The following SMCR8 variants were observed in gnomAD, a reference collection of about 807,000 sequenced individuals.
SMCR8 encodes guanine nucleotide exchange protein SMCR8.
A neutral mutation model predicts 56.6 loss-of-function variants in SMCR8; 30 were observed. The ratio of observed to expected loss-of-function variants is 0.53; its 90% CI spans 0.40 to 0.72. The LOEUF (loss-of-function observed/expected upper bound fraction) is 0.72, where lower values mean the gene tolerates loss of function less well. Among genes scored for constraint, SMCR8 ranks in the 30% least tolerant of loss-of-function variants. The probability of loss-of-function intolerance (pLI) is 0.00; values close to 1 mark genes in which losing one functional copy is unlikely to be tolerated. For missense variants in SMCR8, 1,198 were observed against 1,157.0 expected (o/e 1.04, Z -0.51); for synonymous variants, 538 against 456.0 (o/e 1.18, Z -2.29).
chr17:18,317,102 A>C lies in SMCR8; in HGVS notation c.1313A>C (p.Tyr438Ser). 6.2e-7 allele frequency: 1 copy of C among 1,614,220 alleles called. No individual in the cohort carries two copies. The highest frequency in any genetic ancestry group is 1.1e-5 in the South Asian group (1 of 91,084). ...GAGCAGGAACTGGGAGATGAGGAGT[A>C]CAAGGAAGTGGAAGTGACTGAGTTG... ...KMEQELGDEE[Y>S]KEVEVTELSS... The change falls in exon 1 of 2, where the codon TAC becomes TCC. Residue 438 changes from tyrosine to serine, a missense_variant. Coordinates refer to ENST00000406438, the MANE Select transcript of SMCR8 (RefSeq NM_144775.3).
At chr17:18,318,210 T>C (rs1982391868) in intron 1 of SMCR8, 61 bp downstream of exon 1, 2 of 1,492,678 alleles carry the variant, frequency 1.3e-6, no homozygotes, top group African/African-American at 2.8e-5. Context: ...TATATTGGTG[T>C]GGTGGAGCCA....
chr17:18,317,411 T>C lies in SMCR8; in HGVS notation c.1622T>C (p.Ile541Thr), dbSNP rs1982351941. ...DDFKASYPSAINEEESYPDGN... is the reference protein window; with the variant it reads ...DDFKASYPSATNEEESYPDGN... The stretch of plus-strand genomic sequence containing the variant: ...TTTAAGGCCAGCTACCCAAGTGCCA[T>C]TAATGAAGAAGAATCATATCCAGAT... Residue 541 changes from isoleucine (I) to threonine (T), a missense_variant, in exon 1 of 2, where the codon ATT (isoleucine) becomes ACT (threonine). By Grantham distance (89) the Ile-to-Thr change is moderately conservative. Coordinates refer to ENST00000406438, the MANE Select transcript of SMCR8 (RefSeq NM_144775.3). 6.2e-7 allele frequency: 1 copy of C among 1,614,088 alleles called. No homozygotes were observed. Among genetic ancestry groups the C allele is most frequent in the Non-Finnish European group, 8.5e-7 (1 of 1,180,024 alleles).
In SMCR8 at chr17:18,324,008, G is replaced by A. The variant is rs1982578175; in HGVS notation, c.*938G>A. On this transcript the variant is annotated 3_prime_UTR_variant, in exon 2 of 2. Transcript: ENST00000406438. ...AGCACTGACCTTCCTCGTGGGGAAG[G>A]TCTGCAGACCCGTGTGAACATGGCA... The A allele has an allele frequency of 6.6e-6, 1 of 152,306 alleles. No individual in the cohort carries two copies. Among genetic ancestry groups the A allele is most frequent in the African/African-American group, 2.4e-5 (1 of 41,466 alleles). The allele number at this position is 152,306 out of a possible 1,614,324, so 9.4% of individuals were successfully genotyped here. A position where few individuals can be genotyped will look rare whatever the true frequency, so the allele number is the denominator to read the frequency against.
chr17:18,317,375 T>A lies in SMCR8; in HGVS notation c.1586T>A (p.Ile529Asn), dbSNP rs1486615591. 7 of 1,614,036 alleles carry A rather than the reference T, an allele frequency of 4.3e-6. No homozygotes were observed. In the South Asian group the frequency reaches 7.7e-5, roughly 18 times the overall value. The change falls in exon 1 of 2, where the codon ATC (isoleucine) becomes AAC (asparagine). Residue 529 changes from isoleucine (I) to asparagine (N), a missense_variant. By Grantham distance (149) the Ile-to-Asn change is moderately radical. Coordinates refer to ENST00000406438, the MANE Select transcript of SMCR8 (RefSeq NM_144775.3). ...VLSTCPSEAL[I>N]PDDFKASYPS... ...AGTACCTGCCCCTCTGAGGCCCTCA[T>A]CCCTGATGACTTTAAGGCCAGCTAC...
At position 18,315,685 on chromosome 17, in the gene SMCR8, C is replaced by A; in HGVS notation, c.-105C>A. On this transcript the variant is annotated 5_prime_UTR_variant, in exon 1 of 2. Coordinates refer to ENST00000406438, the MANE Select transcript of SMCR8 (RefSeq NM_144775.3). ...CGGGTTCGGGGAGTCGCAAAGAAGG[C>A]CGTAAGGGCTTCACTTCCTTCTCCG... is the stretch of plus-strand genomic sequence containing the variant. 2 of 1,124,094 alleles carry A rather than the reference C, an allele frequency of 1.8e-6. No individual in the cohort carries two copies. The highest frequency in any genetic ancestry group is 2.3e-5 in the Admixed American group (1 of 43,820). The allele number at this position is 1,124,094 out of a possible 1,614,324, so 69.6% of individuals were successfully genotyped here. A position where few individuals can be genotyped will look rare whatever the true frequency, so the allele number is the denominator to read the frequency against.
rs776727137 is a variant in SMCR8 at position 18,317,668 on chromosome 17, C to T, written c.1879C>T (p.Arg627Cys). The T allele has an allele frequency of 7.4e-6, 12 of 1,614,186 alleles. No individual in the cohort carries two copies. Among genetic ancestry groups the T allele is most frequent in the East Asian group, 2.2e-5 (1 of 44,888 alleles). ...QRHRQKDQGF[R>C]VDFSVENANP... The stretch of plus-strand genomic sequence containing the variant: ...CCACAGGCAGAAGGACCAGGGGTTC[C>T]GTGTAGACTTTTCAGTGGAAAATGC... The change falls in exon 1 of 2, where the codon CGT (arginine) becomes TGT (cysteine). Residue 627 changes from arginine (R) to cysteine (C), a missense_variant. Physicochemically the swap from Arg to Cys is radical, Grantham distance 180. Coordinates refer to ENST00000406438, the MANE Select transcript of SMCR8 (RefSeq NM_144775.3).
Position 18,316,724 on chromosome 17 carries a change from C to T in SMCR8, c.935C>T (p.Thr312Ile). ...CCAAAACTTATCAAAGCAAAGTCCA[C>T]CAAGTGTTTTGACAAGAAGTTGAAG... ...YTPKLIKAKSTKCFDKKLKTL... is the reference protein window; with the variant it reads ...YTPKLIKAKSIKCFDKKLKTL... Residue 312 changes from threonine (T) to isoleucine (I), a missense_variant, in exon 1 of 2, where the codon ACC becomes ATC. By Grantham distance (89) the Thr-to-Ile change is moderately conservative (BLOSUM62 -1). Transcript: ENST00000406438. 6.2e-7 allele frequency: 1 copy of T among 1,614,174 alleles called. No individual in the cohort carries two copies.
Position 18,318,003 on chromosome 17 carries a change from A to G in SMCR8, c.2214A>G (p.Glu738=), listed in dbSNP as rs538677685. Residue 738 remains glutamate (E), a synonymous_variant, in exon 1 of 2, where the codon GAA becomes GAG. Transcript: ENST00000406438. ...GGAGGACACTTGTGGTCCTGGGGGA[A>G]GATGAGGCCATAGTCAGGAAACTCG... ...LSGRTLVVLG[E]DEAIVRKLVT... The G allele has an allele frequency of 6.2e-7, 1 of 1,614,262 alleles. No homozygotes were observed. The highest frequency in any genetic ancestry group is 1.3e-5 in the African/African-American group (1 of 75,074).
Position 18,317,050 on chromosome 17 carries a change from A to G in SMCR8, c.1261A>G (p.Ser421Gly). 2 of 1,614,202 alleles carry G rather than the reference A, an allele frequency of 1.2e-6. No homozygotes were observed. Among genetic ancestry groups the G allele is most frequent in the Non-Finnish European group, 1.7e-6 (2 of 1,180,040 alleles). The change falls in exon 1 of 2, where the codon AGT becomes GGT. Residue 421 changes from serine (S) to glycine (G), a missense_variant. Transcript: ENST00000406438. The part of the protein sequence containing the change: ...VLISVGSYKS[S>G]VESVLIKMEQ... Reference sequence around the variant, plus strand: ...AATTAGTGTTGGTTCTTACAAGTCCAGTGTGGAGTCTGTGTTGATCAAGAT... The same window carrying G: ...AATTAGTGTTGGTTCTTACAAGTCCGGTGTGGAGTCTGTGTTGATCAAGAT...
chr17:18,320,620 G>C (rs1458289305), intron 1 of SMCR8, among the ~76,000 whole-genome samples: 1 of 152,160 alleles, frequency 6.6e-6, no homozygotes, highest in Non-Finnish European at 1.5e-5. Context: ...AGAAGGTCCC[G>C]GAACACAGGG....
At position 18,317,144 on chromosome 17, in the gene SMCR8, A is replaced by G. The variant is rs1763736006; in HGVS notation, c.1355A>G (p.Gln452Arg). ...EVTELSSFDP[Q>R]ENLDYLDMDM... Reference sequence around the variant, plus strand: ...ACTGAGTTGAGCAGTTTCGACCCCCAGGAAAACTTGGACTACCTGGATATG... The same window carrying G: ...ACTGAGTTGAGCAGTTTCGACCCCCGGGAAAACTTGGACTACCTGGATATG... Residue 452 changes from glutamine to arginine, a missense_variant, in exon 1 of 2, where the codon CAG becomes CGG. Coordinates refer to ENST00000406438, the MANE Select transcript of SMCR8 (RefSeq NM_144775.3). 1.9e-6 allele frequency: 3 copies of G among 1,614,108 alleles called. No individual in the cohort carries two copies. The South Asian group carries it at 3.3e-5, about 18-fold the overall frequency.
At chr17:18,318,656 A>T (rs1200281540) in intron 1 of SMCR8, among the ~76,000 whole-genome samples, 2 of 152,138 alleles carry the variant, frequency 1.3e-5, no homozygotes, top group Non-Finnish European at 2.9e-5. Flanking sequence ...TGCCCACCTC[A>T]GCCTCCCAAA....
chr17:18,322,749 A>ACCT lies in SMCR8; in HGVS notation c.2493_2494insCCT (p.Ala831_Asp832insPro). The ACCT allele has an allele frequency of 1.2e-6, 2 of 1,614,190 alleles. No homozygotes were observed. The highest frequency in any genetic ancestry group is 2.2e-5 in the South Asian group (2 of 91,086). On this transcript the variant is annotated inframe_insertion, in exon 2 of 2. Coordinates refer to ENST00000406438, the MANE Select transcript of SMCR8 (RefSeq NM_144775.3). ...GAGGCACCCTGGTGCCCCGCCTGGC[A>ACCT]GACCACCGCACACAGATCAAGCGGG...
chr17:18,320,520 C>G (rs2142994028), intron 1 of SMCR8, among the ~76,000 whole-genome samples: 1 of 152,268 alleles, frequency 6.6e-6, no homozygotes, highest in South Asian at 2.1e-4. Context: ...GGCGGCAGCA[C>G]CTGTGGAGCT....
chr17:18,317,261 C>G lies in SMCR8; in HGVS notation c.1472C>G (p.Ala491Gly). 1.2e-6 allele frequency: 2 copies of G among 1,614,064 alleles called. No individual in the cohort carries two copies. The highest frequency in any genetic ancestry group is 1.7e-6 in the Non-Finnish European group (2 of 1,180,044). Reference protein sequence around the residue: ...TSVLSKSDSQASLTVPLSPQV... With the variant: ...TSVLSKSDSQGSLTVPLSPQV... ...GTGCTTTCTAAATCTGACAGCCAGG[C>G]AAGCCTCACAGTACCATTGAGCCCC... The change falls in exon 1 of 2, where the codon GCA becomes GGA. Residue 491 changes from alanine (A) to glycine (G), a missense_variant. By Grantham distance (60) the Ala-to-Gly change is moderately conservative. Transcript: ENST00000406438.
In SMCR8 at chr17:18,326,663, A is replaced by C. The variant is rs996772568; in HGVS notation, c.*3593A>C. 17 of 152,248 alleles carry C rather than the reference A, an allele frequency of 1.1e-4. No individual in the cohort carries two copies. Among genetic ancestry groups the C allele is most frequent in the African/African-American group, 3.9e-4 (16 of 41,472 alleles). The allele number at this position is 152,248 out of a possible 1,614,324, so 9.4% of individuals were successfully genotyped here. A position where few individuals can be genotyped will look rare whatever the true frequency, so the allele number is the denominator to read the frequency against. On this transcript the variant is annotated 3_prime_UTR_variant, in exon 2 of 2. Transcript: ENST00000406438. ...ACACAAATGACAAGTCCCATTTTAC[A>C]ATCCTAGGAAGGCCCACCAATTTCA...
Position 18,315,301 on chromosome 17 carries a change from T to C in SMCR8, c.-489T>C, listed in dbSNP as rs1982208698. 1 of 157,316 alleles carries C rather than the reference T, an allele frequency of 6.4e-6. No individual in the cohort carries two copies. Among genetic ancestry groups the C allele is most frequent in the African/African-American group, 2.4e-5 (1 of 41,624 alleles). 9.7% of individuals were successfully genotyped at this position (157,316 alleles called of 1,614,324 possible). On this transcript the variant is annotated 5_prime_UTR_variant, in exon 1 of 2. Coordinates refer to ENST00000406438, the MANE Select transcript of SMCR8 (RefSeq NM_144775.3). ...CGCGGACACCAGGAGTCATGTGATG[T>C]CAAGATGGCGGCGCCGCGGTAGCAG...
Position 18,324,561 on chromosome 17 carries a change from C to T in SMCR8, c.*1491C>T, listed in dbSNP as rs1982595798. ...TTGGCGCCTGCTGCTGAGGCCCGGC[C>T]TGCCCATCGGCCTGTAGTACGCCAT... is the stretch of plus-strand genomic sequence containing the variant. On this transcript the variant is annotated 3_prime_UTR_variant, in exon 2 of 2. Transcript: ENST00000406438. 1 of 152,398 alleles carries T rather than the reference C, an allele frequency of 6.6e-6. No individual in the cohort carries two copies. Among genetic ancestry groups the T allele is most frequent in the African/African-American group, 2.4e-5 (1 of 41,470 alleles). 9.4% of individuals were successfully genotyped at this position (152,398 alleles called of 1,614,324 possible). A position where few individuals can be genotyped will look rare whatever the true frequency, so the allele number is the denominator to read the frequency against.
chr17:18,317,058 G>C lies in SMCR8; in HGVS notation c.1269G>C (p.Glu423Asp), dbSNP rs1567758383. ...TTGGTTCTTACAAGTCCAGTGTGGAGTCTGTGTTGATCAAGATGGAGCAGG... is the reference window on the plus strand; with the variant it reads ...TTGGTTCTTACAAGTCCAGTGTGGACTCTGTGTTGATCAAGATGGAGCAGG... ...ISVGSYKSSV[E>D]SVLIKMEQEL... The change falls in exon 1 of 2, where the codon GAG becomes GAC. Residue 423 changes from glutamate (E) to aspartate (D), a missense_variant. Transcript: ENST00000406438. 4 of 1,614,086 alleles carry C rather than the reference G, an allele frequency of 2.5e-6. No homozygotes were observed. The highest frequency in any genetic ancestry group is 2.7e-5 in the African/African-American group (2 of 74,922).
Sources: allele counts gnomAD v4.1 joint callset (sites outside exome capture counted in the v4.1 genomes callset), GRCh38; gene constraint gnomAD v4.1.1; transcripts MANE v1.5; gene names NCBI Gene and HGNC (gene_info 2026-07-23, HGNC 2026-07-21).